The following GSPT1 variants were observed in gnomAD, a reference collection of about 807,000 sequenced individuals.
GSPT1 encodes the protein eukaryotic peptide chain release factor GTP-binding subunit ERF3A.
GSPT1 carries 20 observed loss-of-function variants against 72.5 expected under a neutral mutation model. That is an observed-to-expected ratio of 0.28 (90% CI 0.19 to 0.40). The LOEUF (loss-of-function observed/expected upper bound fraction) is 0.40. GSPT1 is among the 10% of genes least tolerant of loss of function. The pLI, the probability that GSPT1 is intolerant of heterozygous loss-of-function variation, is 1.00. For missense variants in GSPT1, 580 were observed against 811.9 expected (o/e 0.71, Z 3.47); for synonymous variants, 334 against 293.5 (o/e 1.14, Z -1.41).
At chr16:11,884,165 A>G (rs1025377321) in intron 10 of GSPT1, among the ~76,000 whole-genome samples, 1 of 152,208 alleles carries the variant, frequency 6.6e-6, no homozygotes, top group Non-Finnish European at 1.5e-5. Context: ...AAAACAAGGA[A>G]GTTTATTTTT....
intron 7 of GSPT1, 143 bp downstream of exon 7, chr16:11,887,427 T>G: frequency 1.5e-6 from 1 of 654,846 alleles, no homozygotes. Flanking sequence ...TGAAGAGAGA[T>G]TAGTATGATG....
intron 1 of GSPT1, among the ~76,000 whole-genome samples, chr16:11,901,746 T>C (rs912322082): frequency 6.6e-6 from 1 of 151,344 alleles, no homozygotes; most frequent in Admixed American, 6.6e-5. Context: ...GAGCCAAGAT[T>C]GCACCACCGC....
At position 11,868,924 on chromosome 16, in the gene GSPT1, A is replaced by T. The variant is rs2053948708; in HGVS notation, c.*4195T>A. 1 of 152,206 alleles carries T rather than the reference A, an allele frequency of 6.6e-6. No homozygotes were observed. Among genetic ancestry groups the T allele is most frequent in the Admixed American group, 6.5e-5 (1 of 15,278 alleles). 9.4% of individuals were successfully genotyped at this position (152,206 alleles called of 1,614,324 possible). A position where few individuals can be genotyped will look rare whatever the true frequency, so the allele number is the denominator to read the frequency against. On this transcript the variant is annotated 3_prime_UTR_variant, in exon 15 of 15. Coordinates refer to ENST00000434724, the MANE Select transcript of GSPT1 (RefSeq NM_002094.4). ...ATTGGAGAACATAAAGGTTTTAATT[A>T]ATCTCCACTCCCACACCTTCAGGCC...
intron 6 of GSPT1, among the ~76,000 whole-genome samples, chr16:11,889,390 T>C (rs1360129414): frequency 7.9e-6 from 1 of 125,980 alleles, no homozygotes; most frequent in African/African-American, 3.2e-5. Context: ...CAGGTTGGAG[T>C]GCAGTGGCAC....
rs369462446 is a variant in GSPT1 at position 11,876,128 on chromosome 16, C to T, written c.1650G>A (p.Ala550=). 54 of 1,608,898 alleles carry T rather than the reference C, an allele frequency of 3.4e-5. No individual in the cohort carries two copies. The highest frequency in any genetic ancestry group is 3.3e-4 in the Middle Eastern group (2 of 6,082). ...HKSIICPGYN[A]VLHIHTCIEE... is the part of the protein sequence containing the mutation. ...CAATACAGGTATGAATATGCAGCACCGCATTATAGCCTGGGCAGATGATGG... is the reference window on the plus strand; with the variant it reads ...CAATACAGGTATGAATATGCAGCACTGCATTATAGCCTGGGCAGATGATGG... The change falls in exon 13 of 15, where the codon GCG becomes GCA. Residue 550 remains alanine (A), a synonymous_variant. Coordinates refer to ENST00000434724, the MANE Select transcript of GSPT1 (RefSeq NM_002094.4).
rs111887397 is a variant in GSPT1 at position 11,898,815 on chromosome 16, A to G, written c.353-780T>C. 1.3e-3 allele frequency among the ~76,000 whole-genome samples: 204 copies of G among 152,266 alleles called. 1 individual carries two copies. The highest frequency in any genetic ancestry group is 4.4e-3 in the African/African-American group (184 of 41,544). ...AAATCCCTGAATAAATTAGATACCT[A>G]TAAGATAAATGACATGTGTATAAAG... On this transcript the variant is annotated intron_variant, in intron 1 of 14. Coordinates refer to ENST00000434724, the MANE Select transcript of GSPT1 (RefSeq NM_002094.4).
At chr16:11,885,024 C>T (rs552729243) in intron 10 of GSPT1, among the ~76,000 whole-genome samples, 157 bp downstream of exon 10, 7 of 151,764 alleles carry the variant, frequency 4.6e-5, no homozygotes, top group South Asian at 4.2e-4. Context: ...GCTGAGATCG[C>T]GCCACTGCAC....
chr16:11,895,063 T>C, intron 4 of GSPT1, 76 bp from the exon 5 acceptor site: 1 of 817,932 alleles, frequency 1.2e-6, no homozygotes, highest in South Asian at 1.4e-5. Context: ...AACAGCACCC[T>C]TTAACATACA....
chr16:11,878,475 C>G (rs967091161), intron 11 of GSPT1, among the ~76,000 whole-genome samples: 6 of 151,938 alleles, frequency 3.9e-5, no homozygotes, highest in African/African-American at 1.5e-4. Context: ...ATGCCTTTAG[C>G]CCCGCTACTT....
rs140995097 is a variant in GSPT1 at position 11,881,655 on chromosome 16, C to CTTTTTTTTTTTTTTTTTTTTTT, written c.1428+1359_1428+1360insAAAAAAAAAAAAAAAAAAAAAA. The CTTTTTTTTTTTTTTTTTTTTTT allele has an allele frequency of 3.3e-4, 31 of 92,746 alleles. 1 individual carries two copies. The highest frequency in any genetic ancestry group is 8.2e-4 in the African/African-American group (21 of 25,526). The allele number at this position is 92,746 out of a possible 1,614,324, so 5.7% of individuals were successfully genotyped here. A position where few individuals can be genotyped will look rare whatever the true frequency, so the allele number is the denominator to read the frequency against. On this transcript the variant is annotated intron_variant, in intron 11 of 14. Transcript: ENST00000434724. Reference sequence around the variant, plus strand: ...ACCAAGCTGCCTTACACTTCCATAGCTTTTTTTTTTTTTTTTTTAGTAAAG... The same window carrying CTTTTTTTTTTTTTTTTTTTTTT: ...ACCAAGCTGCCTTACACTTCCATAGCTTTTTTTTTTTTTTTTTTTTTTTTTTTTTTTTTTTTTTTTAGTAAAG...
At chr16:11,883,187 AT>A in intron 10 of GSPT1, 92 bp from the exon 11 acceptor site, 1 of 741,824 alleles carries the variant, frequency 1.3e-6, no homozygotes, top group Non-Finnish European at 2.4e-6. Context: ...CTGCTTATTC[AT>A]AAAGGAAAAT....
chr16:11,916,025 C>G (rs375090883), upstream of GSPT1: 4 of 652,254 alleles, frequency 6.1e-6, no homozygotes, highest in African/African-American at 3.6e-5. Flanking sequence ...GGATTGACCC[C>G]TCGCCGCCAC....
rs902991145 is a variant in GSPT1 at position 11,889,329 on chromosome 16, C to CTTTTTTTT, written c.777-1587_777-1580dup. Among the ~76,000 whole-genome samples the CTTTTTTTT allele has an allele frequency of 3.8e-4, 23 of 60,072 alleles. 1 individual carries two copies. The highest frequency in any genetic ancestry group is 9.7e-4 in the African/African-American group (13 of 13,346). 39.4% of individuals were successfully genotyped at this position (60,072 alleles called of 152,430 possible). ...GCCCGGCACCCCCACCCCTCTTCTT[C>CTTTTTTTT]TTTTTTTTTTTTTTTTTTTTTTTTT... On this transcript the variant is annotated intron_variant, in intron 6 of 14. Transcript: ENST00000434724.
At chr16:11,898,458 T>C (rs1166087189) in intron 1 of GSPT1, among the ~76,000 whole-genome samples, 1 of 149,890 alleles carries the variant, frequency 6.7e-6, no homozygotes, top group Non-Finnish European at 1.5e-5. Context: ...TTTTTTTTTT[T>C]TTTTGAGACT....
At position 11,871,837 on chromosome 16, in the gene GSPT1, A is replaced by G. The variant is rs1473500331; in HGVS notation, c.*1282T>C. The G allele has an allele frequency of 6.6e-6, 1 of 152,218 alleles. No individual in the cohort carries two copies. Among genetic ancestry groups the G allele is most frequent in the Non-Finnish European group, 1.5e-5 (1 of 68,036 alleles). The allele number at this position is 152,218 out of a possible 1,614,324, so 9.4% of individuals were successfully genotyped here. Reference sequence around the variant, plus strand: ...GAAAAATTTCAAAGTCATGATAATTATAGCAGAGAGTCATTCAATCTAAAA... The same window carrying G: ...GAAAAATTTCAAAGTCATGATAATTGTAGCAGAGAGTCATTCAATCTAAAA... On this transcript the variant is annotated 3_prime_UTR_variant, in exon 15 of 15. Transcript: ENST00000434724.
At chr16:11,898,862 T>C (rs2054372462) in intron 1 of GSPT1, among the ~76,000 whole-genome samples, 1 of 152,152 alleles carries the variant, frequency 6.6e-6, no homozygotes. Context: ...ATATAAGCCA[T>C]TAAAAATATC....
At chr16:11,881,302 G>A (rs1197689693) in intron 11 of GSPT1, 1 of 152,050 alleles carries the variant, frequency 6.6e-6, no homozygotes, top group Non-Finnish European at 1.5e-5. Flanking sequence ...TTCTATACCT[G>A]CCTAGTGATT....
At chr16:11,882,239 C>T (rs146020021) in intron 11 of GSPT1, 2,253 of 152,344 alleles carry the variant, frequency 0.015, 32 homozygotes, top group South Asian at 0.025. Flanking sequence ...CAGGGTGAGA[C>T]TCCATCTCAA....
chr16:11,888,397 G>T (rs994230187), intron 6 of GSPT1, among the ~76,000 whole-genome samples: 1 of 151,990 alleles, frequency 6.6e-6, no homozygotes, highest in Non-Finnish European at 1.5e-5. Flanking sequence ...GGGAGGTAGA[G>T]GTTGCAGTGA....
Sources: allele counts gnomAD v4.1 joint callset (sites outside exome capture counted in the v4.1 genomes callset), GRCh38; gene constraint gnomAD v4.1.1; transcripts MANE v1.5; gene names NCBI Gene and HGNC (gene_info 2026-07-23, HGNC 2026-07-21).